The following LGSN variants were observed in gnomAD, a reference collection of about 807,000 sequenced individuals.
The protein encoded by LGSN is lengsin.
Under a neutral mutation model 19.5 loss-of-function variants are expected in LGSN, and 21 were observed. The observed-to-expected ratio is 1.07, with a 90% CI of 0.76 to 1.55. The LOEUF (loss-of-function observed/expected upper bound fraction) is 1.55, where lower values mean the gene tolerates loss of function less well. LGSN is among the 40% of genes most tolerant of loss of function. The pLI is 0.00. For missense variants in LGSN, 673 were observed against 608.5 expected, an observed-to-expected ratio of 1.11 and a Z score of -1.12; for synonymous variants, 257 against 215.6, an observed-to-expected ratio of 1.19 and a Z score of -1.68.
chr6:63,390,990 C>A, the LGSN span, among the ~76,000 whole-genome samples: 4 of 151,918 alleles, frequency 2.6e-5, no homozygotes, highest in African/African-American at 9.7e-5. Flanking sequence ...AGGATGCATA[C>A]TTTTACCTTC....
the LGSN span, among the ~76,000 whole-genome samples, chr6:63,505,553 CAAAA>C: frequency 1.4e-4 from 6 of 41,482 alleles, no homozygotes; most frequent in Non-Finnish European, 2.0e-4. Flanking sequence ...AAGAATCTGT[CAAAA>C]AAAAAAAAAA....
upstream of LGSN, among the ~76,000 whole-genome samples, chr6:63,324,763 C>T (rs1769193434): frequency 6.6e-6 from 1 of 150,994 alleles, no homozygotes; most frequent in Non-Finnish European, 1.5e-5. Context: ...TGGGGTACAG[C>T]AAAAGCTCTG....
chr6:63,492,285 T>G, the LGSN span, among the ~76,000 whole-genome samples: 2 of 152,220 alleles, frequency 1.3e-5, no homozygotes, highest in South Asian at 4.1e-4. Flanking sequence ...TCAATAAATG[T>G]GTTGCCAGCC....
At chr6:63,315,674 T>C (rs1768820454) in intron 1 of LGSN, among the ~76,000 whole-genome samples, 1 of 151,128 alleles carries the variant, frequency 6.6e-6, no homozygotes, top group South Asian at 2.1e-4. Context: ...TCTCACTCTC[T>C]ATATATCTAT....
chr6:63,287,678 A>G (rs997697350), intron 2 of LGSN, among the ~76,000 whole-genome samples: 1 of 152,100 alleles, frequency 6.6e-6, no homozygotes, highest in African/African-American at 2.4e-5. Context: ...ACTGCACTCC[A>G]GCCTATGCAA....
At chr6:63,324,821 C>A (rs554390283), upstream of LGSN, among the ~76,000 whole-genome samples, 435 of 146,830 alleles carry the variant, frequency 3.0e-3, 2 homozygotes, top group African/African-American at 0.01. Flanking sequence ...AAAAAAAAAA[C>A]AGGAGGCTGC....
the LGSN span, among the ~76,000 whole-genome samples, chr6:63,388,157 G>A: frequency 6.6e-6 from 1 of 151,824 alleles, no homozygotes; most frequent in South Asian, 2.1e-4. Flanking sequence ...ATTCATGCCT[G>A]TAGCCACCAT....
the LGSN span, among the ~76,000 whole-genome samples, chr6:63,432,192 A>G: frequency 2.3e-4 from 9 of 39,898 alleles, no homozygotes; most frequent in East Asian, 4.7e-3. Flanking sequence ...AGAAAAGAAA[A>G]GAAAAGAAAA....
upstream of LGSN, among the ~76,000 whole-genome samples, chr6:63,324,807 A>AT (rs1235617419): frequency 1.3e-5 from 2 of 148,186 alleles, no homozygotes; most frequent in African/African-American, 2.6e-5. Context: ...AAACACCTAC[A>AT]TAAAAAAAAA....
intron 1 of LGSN, among the ~76,000 whole-genome samples, chr6:63,305,625 C>G (rs1211425529): frequency 6.6e-6 from 1 of 152,178 alleles, no homozygotes; most frequent in African/African-American, 2.4e-5. Flanking sequence ...CATCACTTTT[C>G]TTGTTCTGTC....
At chr6:63,469,082 G>A in the LGSN span, among the ~76,000 whole-genome samples, 1 of 152,050 alleles carries the variant, frequency 6.6e-6, no homozygotes, top group Non-Finnish European at 1.5e-5. Flanking sequence ...TCCTGAAGTA[G>A]GACCATATTT....
At chr6:63,564,173 G>A in the LGSN span, among the ~76,000 whole-genome samples, 2 of 151,876 alleles carry the variant, frequency 1.3e-5, no homozygotes, top group Admixed American at 6.6e-5. Flanking sequence ...CTGCTTGGGA[G>A]GCTGAGGCAG....
the LGSN span, among the ~76,000 whole-genome samples, chr6:63,464,497 C>T: frequency 6.7e-6 from 1 of 149,512 alleles, no homozygotes; most frequent in Non-Finnish European, 1.5e-5. Flanking sequence ...AATAAAGTAC[C>T]TAGCCTCACT....
At chr6:63,337,887 T>C in the LGSN span, among the ~76,000 whole-genome samples, 1 of 151,996 alleles carries the variant, frequency 6.6e-6, no homozygotes, top group African/African-American at 2.4e-5. Flanking sequence ...ATTTATGTAT[T>C]TATTTATTTC....
At chr6:63,283,859 C>A (rs1380143297) in intron 3 of LGSN, among the ~76,000 whole-genome samples, 1 of 151,930 alleles carries the variant, frequency 6.6e-6, no homozygotes, top group Non-Finnish European at 1.5e-5. Flanking sequence ...GCCACCAGGC[C>A]CAGCTAATTT....
chr6:63,403,513 C>T, the LGSN span, among the ~76,000 whole-genome samples: 1 of 151,376 alleles, frequency 6.6e-6, no homozygotes, highest in African/African-American at 2.4e-5. Flanking sequence ...CCAATGCAAG[C>T]AGAAAAAGAA....
At chr6:63,486,272 A>G in the LGSN span, among the ~76,000 whole-genome samples, 2 of 152,166 alleles carry the variant, frequency 1.3e-5, no homozygotes, top group African/African-American at 4.8e-5. Flanking sequence ...TTGAAAGCAT[A>G]GATAAGAATG....
rs1767274047 is a variant in LGSN at position 63,280,779 on chromosome 6, A to G, written c.772T>C (p.Ser258Pro). The G allele has an allele frequency of 1.2e-6, 2 of 1,614,166 alleles. No homozygotes were observed. Among genetic ancestry groups the G allele is most frequent in the Non-Finnish European group, 1.7e-6 (2 of 1,180,020 alleles). The change falls in exon 4 of 4, where the codon TCC becomes CCC. Residue 258 changes from serine (S) to proline (P), a missense_variant. Coordinates refer to ENST00000370657, the MANE Select transcript of LGSN (RefSeq NM_016571.3). ...YHTGANVESF[S>P]SSTRPGQMEI... The stretch of plus-strand genomic sequence containing the variant: ...ATCTGACCAGGCCTGGTAGAGGAGG[A>G]AAAACTCTCGACATTGGCTCCAGTG...
At chr6:63,350,274 T>C in the LGSN span, among the ~76,000 whole-genome samples, 2 of 152,248 alleles carry the variant, frequency 1.3e-5, no homozygotes. Flanking sequence ...TCTTTGGTTA[T>C]AATATGAAAG....
Sources: gnomAD v4.1 joint callset for allele counts (sites outside exome capture counted in the v4.1 genomes callset) on GRCh38, gnomAD v4.1.1 for gene constraint, MANE v1.5 for transcripts, NCBI Gene and HGNC (gene_info 2026-07-23, HGNC 2026-07-21) for gene names.